The following CNOT6L variants were observed in gnomAD, a reference collection of about 807,000 sequenced individuals.
CNOT6L encodes the protein CCR4-NOT transcription complex subunit 6 like.
CNOT6L carries 7 observed loss-of-function variants against 64.0 expected under a neutral mutation model. That is an observed-to-expected ratio of 0.11 (90% CI 0.06 to 0.21). The LOEUF is 0.21. Among genes scored for constraint, CNOT6L ranks in the 10% least tolerant of loss-of-function variants. CNOT6L has a pLI of 1.00. For synonymous variants in CNOT6L, 193 were observed against 243.4 expected, an observed-to-expected ratio of 0.79 and a Z score of 1.93; for missense variants, 245 against 669.0, an observed-to-expected ratio of 0.37 and a Z score of 6.99.
chr4:77,779,961 CTCAA>C (rs1037764783), intron 1 of CNOT6L, among the ~76,000 whole-genome samples: 1 of 152,118 alleles, frequency 6.6e-6, no homozygotes, highest in African/African-American at 2.4e-5. Flanking sequence ...GAGACCCTGT[CTCAA>C]TCAATCAATC....
chr4:77,724,751 G>A (rs922469278), intron 11 of CNOT6L, among the ~76,000 whole-genome samples: 13 of 151,970 alleles, frequency 8.6e-5, no homozygotes, highest in Admixed American at 4.6e-4. Flanking sequence ...ACTTATTTTC[G>A]GGAACTTTAT....
intron 1 of CNOT6L, among the ~76,000 whole-genome samples, chr4:77,817,986 T>C (rs948582666): frequency 1.1e-4 from 17 of 152,238 alleles, no homozygotes; most frequent in African/African-American, 3.9e-4. Context: ...TGTAGACCTA[T>C]TGGCAGCAGG....
intron 6 of CNOT6L, 69 bp from the exon 7 acceptor site, chr4:77,744,944 A>C: frequency 2.5e-5 from 33 of 1,323,762 alleles, no homozygotes; most frequent in Non-Finnish European, 3.0e-5. Flanking sequence ...AAGCAATATC[A>C]TGTGTACACC....
intron 4 of CNOT6L, among the ~76,000 whole-genome samples, chr4:77,771,330 C>CA (rs368771559): frequency 4.1e-4 from 58 of 141,122 alleles, no homozygotes; most frequent in East Asian, 3.4e-3. Context: ...AACTCCATCT[C>CA]AAAAAAAAAA....
intron 6 of CNOT6L, among the ~76,000 whole-genome samples, chr4:77,745,801 T>C (rs1258384934): frequency 2.6e-5 from 4 of 152,204 alleles, no homozygotes; most frequent in Non-Finnish European, 4.4e-5. Context: ...GTGATTATAA[T>C]GAACAGACAT....
At chr4:77,754,888 TAA>T in intron 5 of CNOT6L, among the ~76,000 whole-genome samples, 1,304 of 36,862 alleles carry the variant, frequency 0.035, 27 homozygotes, top group African/African-American at 0.13. Context: ...ACATTAGAAG[TAA>T]AAAAAAAAAA....
intron 10 of CNOT6L, 56 bp from the exon 11 acceptor site, chr4:77,726,425 T>C: frequency 7.2e-7 from 1 of 1,390,492 alleles, no homozygotes; most frequent in Non-Finnish European, 9.9e-7. Flanking sequence ...ACACAAGGCT[T>C]CACAGCCAAG....
At chr4:77,795,041 GAC>G (rs1730668816) in intron 1 of CNOT6L, among the ~76,000 whole-genome samples, 1 of 121,954 alleles carries the variant, frequency 8.2e-6, no homozygotes, top group Admixed American at 9.0e-5. Flanking sequence ...TTTTTTTTGA[GAC>G]ACTTTCCCTC....
intron 4 of CNOT6L, among the ~76,000 whole-genome samples, chr4:77,768,877 C>T (rs1349871073): frequency 1.3e-5 from 2 of 151,990 alleles, no homozygotes; most frequent in Admixed American, 6.6e-5. Flanking sequence ...CTTTGTAAAA[C>T]ATTATGGTAT....
At chr4:77,818,185 T>G (rs62302715) in intron 1 of CNOT6L, among the ~76,000 whole-genome samples, 2,129 of 152,264 alleles carry the variant, frequency 0.014, 28 homozygotes, top group Non-Finnish European at 0.024. Context: ...GCTTCCAATG[T>G]GTACAAACGG....
intron 4 of CNOT6L, among the ~76,000 whole-genome samples, chr4:77,758,378 T>G (rs140092287): frequency 6.6e-6 from 1 of 152,010 alleles, no homozygotes; most frequent in African/African-American, 2.4e-5. Flanking sequence ...TCAAAGAAAA[T>G]TATCCAAAAT....
At chr4:77,742,997 T>A (rs560989091) in intron 7 of CNOT6L, among the ~76,000 whole-genome samples, 3 of 152,274 alleles carry the variant, frequency 2.0e-5, no homozygotes, top group African/African-American at 7.2e-5. Flanking sequence ...AAAAGCTACA[T>A]CAATATACGT....
intron 4 of CNOT6L, among the ~76,000 whole-genome samples, chr4:77,764,559 A>T (rs1726593594): frequency 6.6e-6 from 1 of 152,122 alleles, no homozygotes; most frequent in South Asian, 2.1e-4. Flanking sequence ...TCTTTCTTGC[A>T]GGAGATCCAA....
chr4:77,773,368 A>G (rs1051804541), intron 3 of CNOT6L, among the ~76,000 whole-genome samples: 1 of 152,174 alleles, frequency 6.6e-6, no homozygotes, highest in African/African-American at 2.4e-5. Context: ...CAATGGTTCT[A>G]TTTCTAGGAT....
intron 4 of CNOT6L, among the ~76,000 whole-genome samples, chr4:77,763,326 A>T (rs1726451992): frequency 6.6e-6 from 1 of 152,092 alleles, no homozygotes; most frequent in Admixed American, 6.5e-5. Flanking sequence ...GAGAGAATAT[A>T]TACTAGACAA....
intron 8 of CNOT6L, among the ~76,000 whole-genome samples, chr4:77,734,827 C>T (rs552443273): frequency 2.4e-4 from 36 of 152,128 alleles, no homozygotes; most frequent in African/African-American, 8.4e-4. Context: ...AATATCCCTG[C>T]CAGCTTTTGG....
At chr4:77,739,430 C>T (rs923036646) in intron 8 of CNOT6L, among the ~76,000 whole-genome samples, 3 of 152,192 alleles carry the variant, frequency 2.0e-5, no homozygotes, top group African/African-American at 4.8e-5. Context: ...AGTCTTTCAA[C>T]ATTATATAGC....
At chr4:77,722,229 T>A (rs1721356054) in intron 11 of CNOT6L, among the ~76,000 whole-genome samples, 1 of 152,120 alleles carries the variant, frequency 6.6e-6, no homozygotes, top group African/African-American at 2.4e-5. Flanking sequence ...ATAAAACACA[T>A]GAAATAATCT....
intron 1 of CNOT6L, among the ~76,000 whole-genome samples, chr4:77,783,561 A>G (rs558721119): frequency 3.1e-4 from 47 of 152,344 alleles, no homozygotes; most frequent in African/African-American, 1.1e-3. Flanking sequence ...AAACATCCTT[A>G]TCACAAAGGA....
Sources: allele counts gnomAD v4.1 joint callset (sites outside exome capture counted in the v4.1 genomes callset), GRCh38; gene constraint gnomAD v4.1.1; transcripts MANE v1.5; gene names NCBI Gene and HGNC (gene_info 2026-07-23, HGNC 2026-07-21).